CDC14B: variants seen among roughly 807,000 people sequenced by gnomAD.
The protein encoded by CDC14B is cell division cycle 14B, also known as dual specificity protein phosphatase CDC14B.
A neutral mutation model predicts 64.2 loss-of-function variants in CDC14B; 22 were observed. That is an observed-to-expected ratio of 0.34 (90% CI 0.24 to 0.49). CDC14B has a LOEUF of 0.49. CDC14B is among the 20% of genes least tolerant of loss of function. The pLI is 0.99. For synonymous variants in CDC14B, 191 were observed against 215.8 expected (o/e 0.89, Z 1.01); for missense variants, 498 against 629.9 (o/e 0.79, Z 2.24).
At chr9:96,505,077 A>G (rs1442537313) in intron 13 of CDC14B, among the ~76,000 whole-genome samples, 3 of 151,954 alleles carry the variant, frequency 2.0e-5, no homozygotes, top group Non-Finnish European at 4.4e-5. Context: ...GCTATGCAGG[A>G]GGCTGAGGCA....
rs777732473 is a variant in CDC14B at position 96,619,348 on chromosome 9, A to T, written c.31T>A (p.Trp11Arg). The T allele has an allele frequency of 2.4e-6, 3 of 1,249,352 alleles. No homozygotes were observed. In the African/African-American group the frequency reaches 4.7e-5, roughly 19 times the overall value. 77.4% of individuals were successfully genotyped at this position (1,249,352 alleles called of 1,614,324 possible). A position where few individuals can be genotyped will look rare whatever the true frequency, so the allele number is the denominator to read the frequency against. Reference sequence around the variant, plus strand: ...CGCGAGCAGGGGGGCGCGGCGGCCCAGCTCGACCGCCGCTCGCTTTTCCGC... The same window carrying T: ...CGCGAGCAGGGGGGCGCGGCGGCCCTGCTCGACCGCCGCTCGCTTTTCCGC... MKRKSERRSSWAAAPPCSRRC... is the reference protein window; with the variant it reads MKRKSERRSSRAAAPPCSRRC... Residue 11 changes from tryptophan (W) to arginine (R), a missense_variant, in exon 1 of 14, where the codon TGG becomes AGG. Physicochemically the swap from Trp to Arg is moderately radical, Grantham distance 101. Coordinates refer to ENST00000375241, the MANE Select transcript of CDC14B (RefSeq NM_033331.4).
In CDC14B at chr9:96,501,679, C is replaced by T. The variant is rs1354189922; in HGVS notation, c.*2074G>A. ...ATAGAAAGATTTTTAGAAAGAGCCA[C>T]AGTGATAGCAATTCTAGGTGGAAAC... On this transcript the variant is annotated 3_prime_UTR_variant, in exon 14 of 14. Coordinates refer to ENST00000375241, the MANE Select transcript of CDC14B (RefSeq NM_033331.4). 6.6e-6 allele frequency: 1 copy of T among 152,484 alleles called. No individual in the cohort carries two copies. Among genetic ancestry groups the T allele is most frequent in the African/African-American group, 2.4e-5 (1 of 41,414 alleles). The allele number at this position is 152,484 out of a possible 1,614,324, so 9.4% of individuals were successfully genotyped here. A position where few individuals can be genotyped will look rare whatever the true frequency, so the allele number is the denominator to read the frequency against.
chr9:96,616,151 C>A (rs556081246), intron 1 of CDC14B, among the ~76,000 whole-genome samples: 2 of 151,900 alleles, frequency 1.3e-5, no homozygotes, highest in Non-Finnish European at 2.9e-5. Flanking sequence ...CATAGTGAAA[C>A]CCCATCTCTA....
Position 96,619,229 on chromosome 9 carries a change from C to A in CDC14B, c.150G>T (p.Leu50=). 2.2e-6 allele frequency: 3 copies of A among 1,339,752 alleles called. No homozygotes were observed. The African/African-American group carries it at 4.5e-5, about 20-fold the overall frequency. 83.0% of individuals were successfully genotyped at this position (1,339,752 alleles called of 1,614,324 possible). ...CACTGGCCGGCTCACCGGTGATGTC[C>A]AGGTACACGTCGTCCTGGGGGTCCC... ...RRRDPQDDVY[L]DITDRLCFAI... is the part of the protein sequence containing the mutation. The change falls in exon 1 of 14, where the codon CTG becomes CTT. Residue 50 remains leucine, a synonymous_variant. Transcript: ENST00000375241.
At chr9:96,504,286 AG>A (rs909276427) in intron 13 of CDC14B, among the ~76,000 whole-genome samples, 58 of 152,070 alleles carry the variant, frequency 3.8e-4, no homozygotes, top group African/African-American at 1.4e-3. Flanking sequence ...CGAGCACAGG[AG>A]GCACCCCACG....
intron 4 of CDC14B, among the ~76,000 whole-genome samples, chr9:96,554,456 G>A (rs1303283998): frequency 2.6e-5 from 4 of 152,030 alleles, no homozygotes; most frequent in Non-Finnish European, 5.9e-5. Flanking sequence ...AACTTTCAAA[G>A]CAAAAATAGT....
At chr9:96,538,296 G>A (rs1426581937) in intron 7 of CDC14B, among the ~76,000 whole-genome samples, 1 of 152,144 alleles carries the variant, frequency 6.6e-6, no homozygotes, top group Admixed American at 6.5e-5. Context: ...ATCAAATGCA[G>A]AAATTCCCAC....
At chr9:96,526,089 C>T (rs539710896) in intron 9 of CDC14B, among the ~76,000 whole-genome samples, 8 of 152,098 alleles carry the variant, frequency 5.3e-5, no homozygotes, top group East Asian at 1.9e-4. Context: ...AGAGATAGGC[C>T]GGGTGCGGTG....
At chr9:96,567,438 C>T (rs1844160471) in intron 1 of CDC14B, among the ~76,000 whole-genome samples, 3 of 152,266 alleles carry the variant, frequency 2.0e-5, no homozygotes, top group Admixed American at 2.0e-4. Flanking sequence ...CGCCAAGTGC[C>T]CCCGCAGGGC....
At chr9:96,618,599 C>G in intron 1 of CDC14B, 1 of 532,678 alleles carries the variant, frequency 1.9e-6, no homozygotes, top group South Asian at 1.4e-5. Flanking sequence ...GAGGCCCCGG[C>G]GGGGAGCGGA....
chr9:96,618,978 G>A (rs1287645533), intron 1 of CDC14B, among the ~76,000 whole-genome samples: 1 of 152,186 alleles, frequency 6.6e-6, no homozygotes, highest in Admixed American at 6.5e-5. Flanking sequence ...TGCTGGTGGA[G>A]GAGGGTGCAC....
At chr9:96,506,590 C>A (rs572363858) in intron 13 of CDC14B, among the ~76,000 whole-genome samples, 3 of 152,342 alleles carry the variant, frequency 2.0e-5, no homozygotes, top group South Asian at 4.1e-4. Flanking sequence ...CACATCATCT[C>A]TGAAAGTCCA....
At chr9:96,565,259 C>T in intron 2 of CDC14B, 134 bp downstream of exon 2, 2 of 503,338 alleles carry the variant, frequency 4.0e-6, no homozygotes, top group Non-Finnish European at 3.5e-6. Flanking sequence ...TATTTTATTA[C>T]TACAGGTGAA....
At position 96,509,730 on chromosome 9, in the gene CDC14B, C is replaced by T. The variant is rs763770845; in HGVS notation, c.1403G>A (p.Ser468Asn). 35 of 1,613,324 alleles carry T rather than the reference C, an allele frequency of 2.2e-5. No homozygotes were observed. Among genetic ancestry groups the T allele is most frequent in the Non-Finnish European group, 2.9e-5 (34 of 1,179,474 alleles). Reference sequence around the variant, plus strand: ...GGTGGTTCTTTTAGTAATGCCTGCACTGCCAGAAATGTTAGGTTCAGATGT... The same window carrying T: ...GGTGGTTCTTTTAGTAATGCCTGCATTGCCAGAAATGTTAGGTTCAGATGT... The part of the protein sequence containing the change: ...CKTSEPNISG[S>N]AGITKRTTRS... Residue 468 changes from serine (S) to asparagine (N), a missense_variant, in exon 13 of 14, where the codon AGT (serine) becomes AAT (asparagine). By Grantham distance (46) the Ser-to-Asn change is conservative. Transcript: ENST00000375241.
At chr9:96,567,434 G>C (rs903161133) in intron 1 of CDC14B, among the ~76,000 whole-genome samples, 3 of 152,202 alleles carry the variant, frequency 2.0e-5, no homozygotes, top group African/African-American at 7.2e-5. Flanking sequence ...GACCCGCCAA[G>C]TGCCCCCGCA....
At chr9:96,531,361 T>C (rs1487592831) in intron 9 of CDC14B, among the ~76,000 whole-genome samples, 1 of 152,162 alleles carries the variant, frequency 6.6e-6, no homozygotes, top group African/African-American at 2.4e-5. Flanking sequence ...GATTTAGTTC[T>C]GGTGTTTTGT....
intron 12 of CDC14B, among the ~76,000 whole-genome samples, chr9:96,511,467 T>C (rs1013341180): frequency 6.6e-6 from 1 of 152,068 alleles, no homozygotes. Flanking sequence ...ACTACTCAGG[T>C]GGCTGAGGCA....
chr9:96,600,588 C>T (rs1278494076), intron 1 of CDC14B, among the ~76,000 whole-genome samples: 4 of 151,930 alleles, frequency 2.6e-5, no homozygotes, highest in Non-Finnish European at 5.9e-5. Context: ...CTGCAACCTC[C>T]ACCTCCTGAG....
At chr9:96,539,216 A>G in intron 6 of CDC14B, 76 bp from the exon 7 acceptor site, 1 of 1,030,748 alleles carries the variant, frequency 9.7e-7, no homozygotes, top group East Asian at 2.4e-5. Context: ...TCAGAATACT[A>G]AATATCAGGG....
Sources: allele counts gnomAD v4.1 joint callset (sites outside exome capture counted in the v4.1 genomes callset), GRCh38; gene constraint gnomAD v4.1.1; transcripts MANE v1.5; gene names NCBI Gene and HGNC (gene_info 2026-07-23, HGNC 2026-07-21).